Variants in NSFL1C observed in about 807,000 individuals in gnomAD.
NSFL1C encodes the protein NSFL1 cofactor p47.
Under a neutral mutation model 43.1 loss-of-function variants are expected in NSFL1C, and 14 were observed. The observed-to-expected ratio is 0.32, with a 90% CI of 0.21 to 0.51. NSFL1C has a LOEUF of 0.51. NSFL1C is among the 20% of genes least tolerant of loss of function. The pLI is 0.98. For missense variants in NSFL1C, 406 were observed against 472.5 expected, an observed-to-expected ratio of 0.86 and a Z score of 1.30; for synonymous variants, 171 against 183.5, an observed-to-expected ratio of 0.93 and a Z score of 0.55.
At chr20:1,445,227 T>C (rs541550828) in intron 8 of NSFL1C, among the ~76,000 whole-genome samples, 4 of 152,312 alleles carry the variant, frequency 2.6e-5, no homozygotes, top group South Asian at 4.1e-4. Flanking sequence ...GAGATCTTCC[T>C]GGCCCAGTAA....
At chr20:1,465,812 G>C (rs1376647239) in intron 1 of NSFL1C, among the ~76,000 whole-genome samples, 1 of 152,298 alleles carries the variant, frequency 6.6e-6, no homozygotes, top group African/African-American at 2.4e-5. Context: ...GACAGAACTG[G>C]GTTCCACTTC....
At chr20:1,457,135 A>T (rs530005221) in intron 3 of NSFL1C, 1 of 152,328 alleles carries the variant, frequency 6.6e-6, no homozygotes, top group East Asian at 1.9e-4. Flanking sequence ...TGATGGGTAC[A>T]TGTCTATTGG....
intron 8 of NSFL1C, among the ~76,000 whole-genome samples, chr20:1,444,429 G>T (rs1484918986): frequency 6.6e-6 from 1 of 152,160 alleles, no homozygotes; most frequent in Non-Finnish European, 1.5e-5. Flanking sequence ...TGTCTCTTTT[G>T]TATATCACAG....
At position 1,442,625 on chromosome 20, in the gene NSFL1C, G is replaced by GAGGGTCTTTACC. The variant is rs1461827791; in HGVS notation, c.*1112_*1123dup. Reference sequence around the variant, plus strand: ...AGCAATCAAACTTATAGGGGTGGTGGAGGGTCTTTACCAGGCTAGGACTAC... The same window carrying GAGGGTCTTTACC: ...AGCAATCAAACTTATAGGGGTGGTGGAGGGTCTTTACCAGGGTCTTTACCAGGCTAGGACTAC... On this transcript the variant is annotated 3_prime_UTR_variant, in exon 9 of 9. Coordinates refer to ENST00000216879, the MANE Select transcript of NSFL1C (RefSeq NM_016143.5). 3.0e-4 allele frequency: 46 copies of GAGGGTCTTTACC among 152,314 alleles called. No homozygotes were observed. Among genetic ancestry groups the GAGGGTCTTTACC allele is most frequent in the African/African-American group, 1.1e-3 (46 of 41,552 alleles). 9.4% of individuals were successfully genotyped at this position (152,314 alleles called of 1,614,324 possible).
chr20:1,465,164 C>T (rs1323154947), intron 1 of NSFL1C, among the ~76,000 whole-genome samples: 5 of 152,234 alleles, frequency 3.3e-5, no homozygotes, highest in East Asian at 3.8e-4. Flanking sequence ...ACCAACTCAA[C>T]GGACAGGCAT....
chr20:1,465,988 C>A (rs2090501622), intron 1 of NSFL1C, among the ~76,000 whole-genome samples: 1 of 152,236 alleles, frequency 6.6e-6, no homozygotes, highest in South Asian at 2.1e-4. Flanking sequence ...CCGTCATCAT[C>A]TACCTAAGAC....
At chr20:1,464,212 T>C in intron 2 of NSFL1C, 117 bp downstream of exon 2, 1 of 819,980 alleles carries the variant, frequency 1.2e-6, no homozygotes, top group Non-Finnish European at 2.1e-6. Context: ...ATTGACTCAG[T>C]CTAACCTTCT....
At chr20:1,466,065 G>A (rs2090503534) in intron 1 of NSFL1C, among the ~76,000 whole-genome samples, 1 of 152,194 alleles carries the variant, frequency 6.6e-6, no homozygotes. Context: ...TTATGTGCCA[G>A]GCATTGTTCC....
intron 2 of NSFL1C, among the ~76,000 whole-genome samples, chr20:1,462,998 C>T (rs1232816071): frequency 6.6e-6 from 1 of 152,168 alleles, no homozygotes; most frequent in Admixed American, 6.5e-5. Context: ...TAGGCACTAT[C>T]ATTACCATTT....
At chr20:1,452,684 T>C in intron 6 of NSFL1C, 54 bp from the exon 7 acceptor site, 3 of 1,604,920 alleles carry the variant, frequency 1.9e-6, no homozygotes, top group Non-Finnish European at 1.7e-6. Context: ...GAAATGACAG[T>C]GATGGGAAAA....
At chr20:1,456,298 CATTTAGGAGCTG>C (rs1426411861) in intron 3 of NSFL1C, 1 of 153,136 alleles carries the variant, frequency 6.5e-6, no homozygotes, top group Non-Finnish European at 1.5e-5. Context: ...ACGAGAAAGA[CATTTAGGAGCTG>C]GGCATTCACG....
At chr20:1,452,094 T>C (rs1361919655) in intron 7 of NSFL1C, among the ~76,000 whole-genome samples, 1 of 152,204 alleles carries the variant, frequency 6.6e-6, no homozygotes, top group African/African-American at 2.4e-5. Context: ...GATGACACCT[T>C]CCCTGAACAC....
chr20:1,444,305 T>C (rs564837454), intron 8 of NSFL1C, among the ~76,000 whole-genome samples: 2 of 152,332 alleles, frequency 1.3e-5, no homozygotes, highest in East Asian at 3.9e-4. Flanking sequence ...TGCCACCTCC[T>C]CAGGAAAGCC....
intron 2 of NSFL1C, among the ~76,000 whole-genome samples, chr20:1,462,609 C>A (rs566124169): frequency 6.6e-6 from 1 of 151,816 alleles, no homozygotes; most frequent in African/African-American, 2.4e-5. Context: ...GCAAGCTCCG[C>A]CCCCCGGGTT....
intron 5 of NSFL1C, among the ~76,000 whole-genome samples, chr20:1,453,723 G>A (rs4352285): frequency 0.65 from 99,445 of 151,996 alleles, 33,087 homozygotes; most frequent in East Asian, 0.79. Context: ...ACTACAAGAA[G>A]ATGTTTGTGG....
At chr20:1,445,541 G>A in intron 8 of NSFL1C, 125 bp downstream of exon 8, 1 of 1,121,358 alleles carries the variant, frequency 8.9e-7, no homozygotes, top group South Asian at 1.4e-5. Flanking sequence ...CCTCGTGTCT[G>A]CTTTGGGGAA....
chr20:1,464,144 T>C, intron 2 of NSFL1C, 185 bp downstream of exon 2: 1 of 557,262 alleles, frequency 1.8e-6, no homozygotes, highest in Non-Finnish European at 3.2e-6. Context: ...CCACACCCAG[T>C]TAAAAGTCAT....
At chr20:1,459,700 T>G (rs2090372069) in intron 2 of NSFL1C, among the ~76,000 whole-genome samples, 1 of 152,142 alleles carries the variant, frequency 6.6e-6, no homozygotes, top group Non-Finnish European at 1.5e-5. Flanking sequence ...ATGAGTTGGC[T>G]CCTGAGAACA....
intron 3 of NSFL1C, chr20:1,455,685 G>T (rs368868100): frequency 1.3e-6 from 1 of 779,584 alleles, no homozygotes; most frequent in East Asian, 2.4e-5. Flanking sequence ...TCTTTGAAAC[G>T]GGAGGGAAGG....
Sources: allele counts gnomAD v4.1 joint callset (sites outside exome capture counted in the v4.1 genomes callset), GRCh38; gene constraint gnomAD v4.1.1; transcripts MANE v1.5; gene names NCBI Gene and HGNC (gene_info 2026-07-23, HGNC 2026-07-21).